ACTN1: variants seen among roughly 807,000 people sequenced by gnomAD.
ACTN1 encodes alpha-actinin-1.
ACTN1 carries 30 observed loss-of-function variants against 119.6 expected under a neutral mutation model. That is an observed-to-expected ratio of 0.25 (90% CI 0.19 to 0.34). The LOEUF is 0.34. Ranked by LOEUF, ACTN1 falls within the 10% of genes least tolerant of loss-of-function variation. The pLI is 1.00. For missense variants in ACTN1, 764 were observed against 1,223.4 expected, an observed-to-expected ratio of 0.62 and a Z score of 5.60; for synonymous variants, 429 against 472.6, an observed-to-expected ratio of 0.91 and a Z score of 1.20.
intron 1 of ACTN1, among the ~76,000 whole-genome samples, chr14:68,971,291 C>T (rs575481179): frequency 6.6e-6 from 1 of 152,144 alleles, no homozygotes; most frequent in African/African-American, 2.4e-5. Flanking sequence ...GTGAACTATT[C>T]GTCTTTGTAC....
rs557562863 is a variant in ACTN1 at position 68,958,063 on chromosome 14, G to A, written c.105+20889C>T. Reference sequence around the variant, plus strand: ...CCGAAGCGCATCAGCCCGGGGTCCCGACCTCTTGGGTTTCACGCCTGGCAG... The same window carrying A: ...CCGAAGCGCATCAGCCCGGGGTCCCAACCTCTTGGGTTTCACGCCTGGCAG... On this transcript the variant is annotated intron_variant, in intron 1 of 21. Coordinates refer to ENST00000394419, the MANE Select transcript of ACTN1 (RefSeq NM_001130004.2). 3.9e-4 allele frequency among the ~76,000 whole-genome samples: 60 copies of A among 152,262 alleles called. 1 individual carries two copies. In the South Asian group the frequency reaches 1.0e-2, roughly 25 times the overall value.
intron 11 of ACTN1, chr14:68,887,094 T>G (rs1297813671): frequency 5.7e-6 from 1 of 175,638 alleles, no homozygotes; most frequent in Non-Finnish European, 1.2e-5. Context: ...GTAATTCTTT[T>G]TTAAAGTTAT....
chr14:68,964,819 C>G (rs946956784), intron 1 of ACTN1, among the ~76,000 whole-genome samples: 1 of 152,174 alleles, frequency 6.6e-6, no homozygotes, highest in African/African-American at 2.4e-5. Flanking sequence ...ACCGCCGCCA[C>G]CAGGCTGCCT....
chr14:68,936,028 A>G (rs2035486413), intron 1 of ACTN1, among the ~76,000 whole-genome samples: 1 of 148,084 alleles, frequency 6.8e-6, no homozygotes, highest in Non-Finnish European at 1.5e-5. Flanking sequence ...GTGACCTCAG[A>G]TAAGTCACTT....
chr14:68,953,717 A>G (rs1358670479), intron 1 of ACTN1, among the ~76,000 whole-genome samples: 1 of 151,514 alleles, frequency 6.6e-6, no homozygotes, highest in Non-Finnish European at 1.5e-5. Context: ...TCTCTACTAA[A>G]AATACAAAAA....
chr14:68,901,651 A>G (rs72733522), intron 8 of ACTN1, among the ~76,000 whole-genome samples: 18,208 of 152,214 alleles, frequency 0.12, 1,203 homozygotes, highest in Non-Finnish European at 0.14. Context: ...CTTCTTCTGG[A>G]GTCCTGCCTA....
At chr14:68,971,848 T>C (rs914256044) in intron 1 of ACTN1, among the ~76,000 whole-genome samples, 2 of 152,156 alleles carry the variant, frequency 1.3e-5, no homozygotes, top group African/African-American at 4.8e-5. Flanking sequence ...TCCTCTGCAA[T>C]GTACGCCCGA....
Position 68,885,498 on chromosome 14 carries a change from C to T in ACTN1, c.1312G>A (p.Glu438Lys). The T allele has an allele frequency of 6.2e-7, 1 of 1,614,152 alleles. No individual in the cohort carries two copies. Among genetic ancestry groups the T allele is most frequent in the Non-Finnish European group, 8.5e-7 (1 of 1,180,016 alleles). The change falls in exon 12 of 22, where the codon GAG becomes AAG. Residue 438 changes from glutamate (E) to lysine (K), a missense_variant. Transcript: ENST00000394419. This position sits in a 1 kb window ranked among gnomAD's most constrained non-coding sequence, Gnocchi z 5.6. The stretch of plus-strand genomic sequence containing the variant: ...GCAGCCAGGTCACTCTCGAAGGCCT[C>T]ATGCTTCTTGAGCAGGGCCTTGATC... ...SEIKALLKKH[E>K]AFESDLAAHQ...
Position 68,879,134 on chromosome 14 carries a change from C to A in ACTN1, c.2281-65G>T. 7.8e-7 allele frequency: 1 copy of A among 1,277,348 alleles called. No homozygotes were observed. The highest frequency in any genetic ancestry group is 4.8e-5 in the East Asian group (1 of 20,820). The allele number at this position is 1,277,348 out of a possible 1,614,324, so 79.1% of individuals were successfully genotyped here. ...CAGGGAGGTGGAGCCGTGAGGGGGG[C>A]ATGCCCCGGGGGAGGGTGGCGTGTG... On this transcript the variant is annotated intron_variant, in intron 18 of 21. Transcript: ENST00000394419. The surrounding 1 kb of genome is among the most constrained non-coding windows in gnomAD (Gnocchi z 4.9).
intron 1 of ACTN1, chr14:68,978,735 C>G: frequency 2.7e-6 from 1 of 368,032 alleles, no homozygotes. Flanking sequence ...CCCCGCGCTC[C>G]GGCCCGGCGT....
intron 3 of ACTN1, among the ~76,000 whole-genome samples, chr14:68,915,769 A>C (rs1247214364): frequency 1.3e-5 from 2 of 152,192 alleles, no homozygotes; most frequent in African/African-American, 2.4e-5. Flanking sequence ...AAATCCCAGC[A>C]CTTTGGGAGG....
rs1307217247 is a variant in ACTN1 at position 68,878,232 on chromosome 14, G to T, written c.2427+226C>A. ...AGTGAGAAGTACCAGAAGATGAAGT[G>T]GCACAGAGATTGAGGCGAGGAGGTC... On this transcript the variant is annotated intron_variant, in intron 20 of 21. Transcript: ENST00000394419. The surrounding 1 kb of genome is among the most constrained non-coding windows in gnomAD (Gnocchi z 4.4). The T allele has an allele frequency of 1.9e-6, 1 of 517,634 alleles. No homozygotes were observed. Among genetic ancestry groups the T allele is most frequent in the Non-Finnish European group, 3.3e-6 (1 of 300,188 alleles). 32.1% of individuals were successfully genotyped at this position (517,634 alleles called of 1,614,324 possible).
At chr14:68,960,263 C>T (rs959699703) in intron 1 of ACTN1, among the ~76,000 whole-genome samples, 3 of 152,128 alleles carry the variant, frequency 2.0e-5, no homozygotes, top group Admixed American at 2.0e-4. Flanking sequence ...AGTGAACCTG[C>T]ACAGTTCAAA....
At position 68,979,131 on chromosome 14, in the gene ACTN1, G is replaced by A. The variant is rs1305928934; in HGVS notation, c.-75C>T. 9.8e-6 allele frequency: 11 copies of A among 1,123,840 alleles called. No individual in the cohort carries two copies. Among genetic ancestry groups the A allele is most frequent in the Admixed American group, 1.9e-5 (1 of 52,724 alleles). 69.6% of individuals were successfully genotyped at this position (1,123,840 alleles called of 1,614,324 possible). ...GAGCAACGGCTGCTGCCCTGGCGTG[G>A]GGAGGGAGTAGGGCTGGGCTGGGCT... On this transcript the variant is annotated 5_prime_UTR_variant, in exon 1 of 22. Coordinates refer to ENST00000394419, the MANE Select transcript of ACTN1 (RefSeq NM_001130004.2).
At chr14:68,898,785 G>A (rs2033062404) in intron 8 of ACTN1, among the ~76,000 whole-genome samples, 1 of 151,988 alleles carries the variant, frequency 6.6e-6, no homozygotes, top group African/African-American at 2.4e-5. Flanking sequence ...GTGGACAAAA[G>A]CAGCGTGAAA....
At chr14:68,951,762 C>T (rs1050254990) in intron 1 of ACTN1, among the ~76,000 whole-genome samples, 4 of 152,180 alleles carry the variant, frequency 2.6e-5, no homozygotes, top group African/African-American at 4.8e-5. Context: ...TGGTACCCCT[C>T]CCAGAAGTAA....
intron 1 of ACTN1, among the ~76,000 whole-genome samples, chr14:68,929,438 C>CA (rs376532423): frequency 3.5e-4 from 47 of 134,626 alleles, no homozygotes; most frequent in African/African-American, 1.3e-3. Context: ...CGCATTCAAA[C>CA]AAAGGGTACA....
At chr14:68,906,799 G>A (rs527799198) in intron 6 of ACTN1, among the ~76,000 whole-genome samples, 1 of 152,130 alleles carries the variant, frequency 6.6e-6, no homozygotes, top group East Asian at 1.9e-4. Flanking sequence ...CTAGGATTTG[G>A]GCTGGATTTT....
chr14:68,903,364 G>A lies in ACTN1; in HGVS notation c.677-802C>T, dbSNP rs112345283. On this transcript the variant is annotated intron_variant, in intron 7 of 21. Coordinates refer to ENST00000394419, the MANE Select transcript of ACTN1 (RefSeq NM_001130004.2). ...TCGAGACCAGCCTTGCCAACTTGGT[G>A]AAACCCCGTCTCTACTAAAAATATA... is the stretch of plus-strand genomic sequence containing the variant. Among the ~76,000 whole-genome samples, 1,312 of 152,266 alleles carry A rather than the reference G, an allele frequency of 8.6e-3. 20 individuals are homozygous for A. The highest frequency in any genetic ancestry group is 0.03 in the African/African-American group (1,253 of 41,536).
Sources: gnomAD v4.1 joint callset for allele counts (sites outside exome capture counted in the v4.1 genomes callset) on GRCh38, gnomAD v4.1.1 for gene constraint, Gnocchi (gnomAD v3.1) non-coding constraint, MANE v1.5 for transcripts, NCBI Gene and HGNC (gene_info 2026-07-23, HGNC 2026-07-21) for gene names.